Variants in LRRC37A2 observed in about 807,000 individuals in gnomAD.
LRRC37A2 encodes the protein leucine-rich repeat-containing protein 37A2.
A neutral mutation model predicts 68.8 loss-of-function variants in LRRC37A2; 9 were observed. That is an observed-to-expected ratio of 0.13 (90% confidence interval 0.08 to 0.23). LRRC37A2 has a LOEUF of 0.23. Ranked by LOEUF, LRRC37A2 falls within the 10% of genes least tolerant of loss-of-function variation. The pLI is 1.00. For missense variants in LRRC37A2, 168 were observed against 950.4 expected, an observed-to-expected ratio of 0.18 and a Z score of 10.82; for synonymous variants, 63 against 367.6, an observed-to-expected ratio of 0.17 and a Z score of 9.48.
At chr17:46,847,769 G>A in the LRRC37A2 span, among the ~76,000 whole-genome samples, 4 of 152,216 alleles carry the variant, frequency 2.6e-5, no homozygotes, top group Non-Finnish European at 5.9e-5. Flanking sequence ...AGCCTGGGAA[G>A]CCGCATTTCC....
the LRRC37A2 span, among the ~76,000 whole-genome samples, chr17:46,839,973 TTTCTCTTCTTTCTTTCTTTTTTCTTTC>T: frequency 2.1e-5 from 3 of 140,594 alleles, no homozygotes; most frequent in African/African-American, 7.9e-5. Flanking sequence ...TCTTTCTTTC[TTTCTCTTCTTTCTTTCTTTTTTCTTTC>T]TTCTTTCTTT....
the LRRC37A2 span, among the ~76,000 whole-genome samples, chr17:46,708,822 A>ATATT: frequency 1.6e-4 from 17 of 108,850 alleles, no homozygotes; most frequent in East Asian, 3.7e-4. Flanking sequence ...ATATATATAT[A>ATATT]TTTTTTTTTT....
At chr17:46,924,020 G>C in the LRRC37A2 span, among the ~76,000 whole-genome samples, 1 of 152,134 alleles carries the variant, frequency 6.6e-6, no homozygotes, top group African/African-American at 2.4e-5. Context: ...CAATTTTTAA[G>C]TGTACAATTC....
At chr17:46,953,165 T>G in the LRRC37A2 span, among the ~76,000 whole-genome samples, 2 of 152,138 alleles carry the variant, frequency 1.3e-5, no homozygotes, top group African/African-American at 4.8e-5. Context: ...TCATTTAGCA[T>G]TAGGTATATC....
chr17:47,027,450 T>G, the LRRC37A2 span: 1 of 618,808 alleles, frequency 1.6e-6, no homozygotes, highest in Non-Finnish European at 3.0e-6. Flanking sequence ...CGTTTAGAGT[T>G]GAGATAAAAA....
the LRRC37A2 span, chr17:46,924,469 G>A: frequency 6.6e-6 from 1 of 152,036 alleles, no homozygotes; most frequent in Non-Finnish European, 1.5e-5. Flanking sequence ...ATTTTTTGAG[G>A]TATATACCTA....
At chr17:46,882,849 T>A in the LRRC37A2 span, among the ~76,000 whole-genome samples, 4 of 152,108 alleles carry the variant, frequency 2.6e-5, no homozygotes, top group Non-Finnish European at 5.9e-5. Context: ...AGCAAAGAGA[T>A]GGCTGGCATG....
chr17:47,005,338 G>A, the LRRC37A2 span, among the ~76,000 whole-genome samples: 1 of 152,328 alleles, frequency 6.6e-6, no homozygotes, highest in South Asian at 2.1e-4. Context: ...AGTGGAAACA[G>A]TGCAGTCTTT....
At chr17:46,960,331 A>G in the LRRC37A2 span, among the ~76,000 whole-genome samples, 1 of 152,216 alleles carries the variant, frequency 6.6e-6, no homozygotes, top group Non-Finnish European at 1.5e-5. Context: ...ACAAACAAAC[A>G]CAACACAAAA....
At chr17:46,529,210 A>C (rs62073316) in intron 6 of LRRC37A2, among the ~76,000 whole-genome samples, 1 of 119,960 alleles carries the variant, frequency 8.3e-6, no homozygotes, top group Non-Finnish European at 1.9e-5. Context: ...AAAAAGAACA[A>C]GCAAGAAATG....
At chr17:46,956,870 G>A in the LRRC37A2 span, among the ~76,000 whole-genome samples, 1 of 152,172 alleles carries the variant, frequency 6.6e-6, no homozygotes, top group Non-Finnish European at 1.5e-5. Flanking sequence ...GCTCCACAGC[G>A]AGCATGTGGC....
the LRRC37A2 span, among the ~76,000 whole-genome samples, chr17:46,819,262 T>C: frequency 5.9e-5 from 9 of 152,120 alleles, no homozygotes; most frequent in African/African-American, 9.7e-5. This position sits in a 1 kb window ranked among gnomAD's most constrained non-coding sequence, Gnocchi z 5.3. Context: ...GGAGGTCACT[T>C]CCCGGGTGTC....
chr17:46,927,905 G>C, the LRRC37A2 span, among the ~76,000 whole-genome samples: 1 of 151,892 alleles, frequency 6.6e-6, no homozygotes, highest in South Asian at 2.1e-4. Flanking sequence ...AGATTTTTCT[G>C]TTAAATCAGC....
the LRRC37A2 span, among the ~76,000 whole-genome samples, chr17:46,902,466 G>GTGTGTA: frequency 6.6e-5 from 10 of 151,102 alleles, no homozygotes; most frequent in Middle Eastern, 3.5e-3. Flanking sequence ...CAGTGCGTGT[G>GTGTGTA]TGTGTGTGTG....
the LRRC37A2 span, chr17:46,939,585 A>G: frequency 4.0e-5 from 39 of 985,340 alleles, no homozygotes; most frequent in South Asian, 1.5e-3. Context: ...AAGATTTGTG[A>G]TTTTCCAATT....
the LRRC37A2 span, among the ~76,000 whole-genome samples, chr17:46,395,317 TG>T: frequency 2.0e-5 from 1 of 50,828 alleles, no homozygotes; most frequent in African/African-American, 1.0e-4. Context: ...AGTTTCTTTT[TG>T]GGGTGATGGG....
chr17:46,960,428 A>G, the LRRC37A2 span, among the ~76,000 whole-genome samples: 21 of 152,360 alleles, frequency 1.4e-4, no homozygotes, highest in East Asian at 3.5e-3. Flanking sequence ...AACAGCCACT[A>G]TGAAAAACAG....
the LRRC37A2 span, chr17:46,923,769 G>A: frequency 2.4e-6 from 1 of 414,930 alleles, no homozygotes; most frequent in South Asian, 1.2e-4. Context: ...TTATCGCTAA[G>A]AAAATCAAAT....
At chr17:46,763,922 C>T in the LRRC37A2 span, 1 of 151,878 alleles carries the variant, frequency 6.6e-6, no homozygotes, top group Non-Finnish European at 1.5e-5. Flanking sequence ...ATCTGACTGC[C>T]CCTCGTGCAG....
Sources: gnomAD v4.1 joint callset for allele counts (sites outside exome capture counted in the v4.1 genomes callset) on GRCh38, gnomAD v4.1.1 for gene constraint, Gnocchi (gnomAD v3.1) non-coding constraint, MANE v1.5 for transcripts, NCBI Gene and HGNC (gene_info 2026-07-23, HGNC 2026-07-21) for gene names.